Variants in MARK1 observed in about 807,000 individuals in gnomAD.
MARK1 encodes microtubule affinity regulating kinase 1, also known as serine/threonine-protein kinase MARK1.
In MARK1, 40 loss-of-function variants were observed where a neutral mutation model predicts 96.3. The ratio of observed to expected loss-of-function variants is 0.42; its 90% CI spans 0.32 to 0.54. MARK1 has a LOEUF of 0.54. Among genes scored for constraint, MARK1 ranks in the 20% least tolerant of loss-of-function variants. MARK1 has a pLI of 0.16. For missense variants in MARK1, 719 were observed against 984.6 expected (o/e 0.73, Z 3.61); for synonymous variants, 317 against 341.2 (o/e 0.93, Z 0.78).
At chr1:220,531,058 G>T (rs1010448618) in intron 1 of MARK1, among the ~76,000 whole-genome samples, 1 of 152,148 alleles carries the variant, frequency 6.6e-6, no homozygotes. Flanking sequence ...TATGGTAGAA[G>T]ACATTGTGTA....
rs926249393 is a variant in MARK1, at chr1:220,654,450, T to G, written c.1988+1098T>G. On this transcript the variant is annotated intron_variant, in intron 16 of 17. Transcript: ENST00000366917. The surrounding 1 kb of genome is among the most constrained non-coding windows in gnomAD (Gnocchi z 4.0). ...TATAGGCTTGGTTCATACATCAGTTTGCCCAGTATCACATAGCTGAATTAA... is the reference window on the plus strand; with the variant it reads ...TATAGGCTTGGTTCATACATCAGTTGGCCCAGTATCACATAGCTGAATTAA... 2.0e-5 allele frequency among the ~76,000 whole-genome samples: 3 copies of G among 152,246 alleles called. No homozygotes were observed. The highest frequency in any genetic ancestry group is 4.4e-5 in the Non-Finnish European group (3 of 68,046).
chr1:220,604,503 A>G (rs1230168003), intron 6 of MARK1, among the ~76,000 whole-genome samples: 3 of 152,038 alleles, frequency 2.0e-5, no homozygotes, highest in Non-Finnish European at 4.4e-5. Flanking sequence ...TACAGCATAT[A>G]TGTGTACTGT....
chr1:220,644,223 C>T (rs1394194371), intron 13 of MARK1, among the ~76,000 whole-genome samples: 1 of 151,948 alleles, frequency 6.6e-6, no homozygotes, highest in South Asian at 2.1e-4. Context: ...ATGGAGGAAA[C>T]TTTACCAAGC....
intron 14 of MARK1, among the ~76,000 whole-genome samples, chr1:220,651,656 A>C (rs1210233444): frequency 3.9e-5 from 6 of 152,222 alleles, no homozygotes; most frequent in Non-Finnish European, 8.8e-5. Context: ...ACTTTGGGGA[A>C]GTAAAAAATG....
At chr1:220,652,452 T>C (rs573185292) in intron 15 of MARK1, among the ~76,000 whole-genome samples, 7 of 152,350 alleles carry the variant, frequency 4.6e-5, no homozygotes, top group African/African-American at 1.7e-4. Context: ...TTTTTATTAT[T>C]TAAACCATAC....
intron 4 of MARK1, among the ~76,000 whole-genome samples, chr1:220,598,729 T>C (rs1025331437): frequency 1.3e-5 from 2 of 151,938 alleles, no homozygotes; most frequent in Non-Finnish European, 2.9e-5. Context: ...CGTGGTGGCT[T>C]ATGCCTGTAA....
intron 6 of MARK1, among the ~76,000 whole-genome samples, chr1:220,610,505 T>C (rs972894340): frequency 6.6e-6 from 1 of 152,200 alleles, no homozygotes; most frequent in African/African-American, 2.4e-5. Context: ...CATCCTCCTT[T>C]AGTTTGGAGA....
At chr1:220,628,831 AAT>A (rs1667501585) in intron 9 of MARK1, among the ~76,000 whole-genome samples, 1 of 152,030 alleles carries the variant, frequency 6.6e-6, no homozygotes, top group Admixed American at 6.6e-5. Context: ...TCATGCCTAT[AAT>A]CCCAGCACTT....
At chr1:220,583,661 T>C (rs562615444) in intron 3 of MARK1, among the ~76,000 whole-genome samples, 2 of 151,814 alleles carry the variant, frequency 1.3e-5, no homozygotes, top group African/African-American at 4.8e-5. Flanking sequence ...TTCTTTTTTT[T>C]TTTTTGAGAC....
In MARK1 at chr1:220,528,779, G is replaced by C. The variant is rs1558236469; in HGVS notation, c.-44G>C. The C allele has an allele frequency of 6.5e-7, 1 of 1,540,456 alleles. No individual in the cohort carries two copies. Among genetic ancestry groups the C allele is most frequent in the Admixed American group, 2.0e-5 (1 of 50,686 alleles). On this transcript the variant is annotated 5_prime_UTR_variant, in exon 1 of 18. Coordinates refer to ENST00000366917, the MANE Select transcript of MARK1 (RefSeq NM_018650.5). ...GTCGCCCCCCGGGGCCCGCACCACAGCCCGGCCGGCGAGACCCCGGCCAGA... is the reference window on the plus strand; with the variant it reads ...GTCGCCCCCCGGGGCCCGCACCACACCCCGGCCGGCGAGACCCCGGCCAGA...
intron 1 of MARK1, among the ~76,000 whole-genome samples, chr1:220,568,132 T>C (rs1036028326): frequency 6.6e-6 from 1 of 152,170 alleles, no homozygotes. Flanking sequence ...TGGTACTTCT[T>C]GATATTTGTA....
At chr1:220,632,096 A>C (rs1436775133) in intron 10 of MARK1, 105 bp from the exon 11 acceptor site, 3 of 538,698 alleles carry the variant, frequency 5.6e-6, no homozygotes, top group Non-Finnish European at 1.0e-5. Flanking sequence ...TTAAATTTTC[A>C]TGACTAAGTT....
intron 13 of MARK1, among the ~76,000 whole-genome samples, 191 bp downstream of exon 13, chr1:220,636,217 A>C (rs1051186046): frequency 1.3e-5 from 2 of 152,202 alleles, no homozygotes; most frequent in African/African-American, 4.8e-5. Flanking sequence ...TCTTTTTTGC[A>C]TGCGTTAACA....
chr1:220,648,980 T>C (rs1233926173), intron 13 of MARK1, among the ~76,000 whole-genome samples: 1 of 152,238 alleles, frequency 6.6e-6, no homozygotes, highest in African/African-American at 2.4e-5. Flanking sequence ...TAGGAATTTA[T>C]TGATTAAAAT....
intron 1 of MARK1, among the ~76,000 whole-genome samples, chr1:220,530,023 C>G (rs913683872): frequency 3.3e-4 from 50 of 152,188 alleles, no homozygotes; most frequent in African/African-American, 1.2e-3. Context: ...CTTTGGTGTT[C>G]TTAGACAAAA....
chr1:220,621,181 C>T (rs1043909831), intron 9 of MARK1, among the ~76,000 whole-genome samples: 2 of 152,038 alleles, frequency 1.3e-5, no homozygotes, highest in East Asian at 3.9e-4. Flanking sequence ...TAAGAATGCA[C>T]TCCTTCCTTT....
intron 6 of MARK1, among the ~76,000 whole-genome samples, chr1:220,615,345 G>C (rs1330428974): frequency 6.6e-6 from 1 of 152,078 alleles, no homozygotes; most frequent in African/African-American, 2.4e-5. Flanking sequence ...GTTTAAGATT[G>C]AATTTCATTT....
chr1:220,647,851 A>G (rs1436149237), intron 13 of MARK1, among the ~76,000 whole-genome samples: 1 of 152,170 alleles, frequency 6.6e-6, no homozygotes. Flanking sequence ...ATGAGAACAC[A>G]TGGACACAGA....
At chr1:220,545,452 T>TG (rs1431964256) in intron 1 of MARK1, among the ~76,000 whole-genome samples, 1 of 148,008 alleles carries the variant, frequency 6.8e-6, no homozygotes, top group East Asian at 2.0e-4. Flanking sequence ...TTTTTTTTTT[T>TG]TTTTTTTTTT....
Sources: gnomAD v4.1 joint callset for allele counts (sites outside exome capture counted in the v4.1 genomes callset) on GRCh38, gnomAD v4.1.1 for gene constraint, Gnocchi (gnomAD v3.1) non-coding constraint, MANE v1.5 for transcripts, NCBI Gene and HGNC (gene_info 2026-07-23, HGNC 2026-07-21) for gene names.